Variants in LRRC39 observed in about 807,000 individuals in gnomAD.
The protein encoded by LRRC39 is leucine-rich repeat-containing protein 39.
Under a neutral mutation model 39.7 loss-of-function variants are expected in LRRC39, and 35 were observed. The ratio of observed to expected loss-of-function variants is 0.88; its 90% CI spans 0.67 to 1.17. The LOEUF (loss-of-function observed/expected upper bound fraction) is 1.17. Ranked by LOEUF, LRRC39 falls within the 50% of genes most tolerant of loss-of-function variation. The pLI, the probability that LRRC39 is intolerant of heterozygous loss-of-function variation, is 0.00. For missense variants in LRRC39, 357 were observed against 385.8 expected (o/e 0.93, Z 0.62); for synonymous variants, 113 against 134.1 (o/e 0.84, Z 1.09).
At position 100,154,678 on chromosome 1, in the gene LRRC39, T is replaced by G. The variant is rs139879237; in HGVS notation, c.812+373A>C. ...CAAGTCATGCTTTTTTTCAGTTGAT[T>G]CAAAATTTTGTCAACCAAGTTTTCA... On this transcript the variant is annotated intron_variant, in intron 8 of 9. Transcript: ENST00000370137. Among the ~76,000 whole-genome samples the G allele has an allele frequency of 2.7e-3, 410 of 152,342 alleles. 4 individuals carry two copies. Among genetic ancestry groups the G allele is most frequent in the African/African-American group, 9.7e-3 (402 of 41,586 alleles).
chr1:100,173,894 C>G (rs576668592), intron 1 of LRRC39, among the ~76,000 whole-genome samples: 17 of 152,150 alleles, frequency 1.1e-4, no homozygotes, highest in African/African-American at 4.1e-4. Flanking sequence ...ATATGTAAAA[C>G]TTCTATACAG....
At chr1:100,152,271 A>T in intron 9 of LRRC39, 114 bp downstream of exon 9, 1 of 1,114,590 alleles carries the variant, frequency 9.0e-7, no homozygotes, top group Non-Finnish European at 1.2e-6. Flanking sequence ...TTTGACAGAA[A>T]ACTTAAGATG....
At chr1:100,159,443 T>C (rs779078087) in intron 4 of LRRC39, 28 bp from the exon 5 acceptor site, 1 of 1,512,392 alleles carries the variant, frequency 6.6e-7, no homozygotes, top group East Asian at 2.4e-5. Context: ...ATGGTTGTTG[T>C]ATATTACTTA....
At position 100,148,573 on chromosome 1, in the gene LRRC39, A is replaced by G. The variant is rs371266995; in HGVS notation, c.*469T>C. ...TAAATAGTGACAAAAATAATTTTTT[A>G]TAAACTTTTGCAAAATTTTAACAAT... On this transcript the variant is annotated 3_prime_UTR_variant, in exon 10 of 10. Transcript: ENST00000370137. The G allele has an allele frequency of 4.0e-6, 6 of 1,509,256 alleles. No homozygotes were observed. The highest frequency in any genetic ancestry group is 2.4e-5 in the South Asian group (2 of 82,456). 93.5% of individuals were successfully genotyped at this position (1,509,256 alleles called of 1,614,324 possible). A position where few individuals can be genotyped will look rare whatever the true frequency, so the allele number is the denominator to read the frequency against.
intron 8 of LRRC39, among the ~76,000 whole-genome samples, chr1:100,154,064 T>C (rs374402522): frequency 6.7e-6 from 1 of 149,552 alleles, no homozygotes; most frequent in South Asian, 2.1e-4. Flanking sequence ...GGACATTTCT[T>C]TTTTTTTTTA....
At chr1:100,175,021 T>C (rs1659861648) in intron 1 of LRRC39, among the ~76,000 whole-genome samples, 1 of 152,252 alleles carries the variant, frequency 6.6e-6, no homozygotes, top group South Asian at 2.1e-4. Flanking sequence ...GCTCCTGTTC[T>C]GGCCTTGCGG....
chr1:100,156,088 T>G, intron 7 of LRRC39, 84 bp downstream of exon 7: 104 of 1,307,322 alleles, frequency 8.0e-5, no homozygotes, highest in Non-Finnish European at 9.7e-5. Flanking sequence ...TGATTATGCT[T>G]GAGATCCCAT....
At chr1:100,158,080 G>T in intron 6 of LRRC39, 151 bp downstream of exon 6, 1 of 781,030 alleles carries the variant, frequency 1.3e-6, no homozygotes, top group Non-Finnish European at 2.0e-6. Flanking sequence ...GTTAAAACCT[G>T]CATTATACTT....
At chr1:100,159,606 C>CTTTTTTTTTTTTTTTTTT (rs10593200) in intron 4 of LRRC39, among the ~76,000 whole-genome samples, 191 bp from the exon 5 acceptor site, 13 of 41,298 alleles carry the variant, frequency 3.1e-4, no homozygotes, top group South Asian at 2.5e-3. Context: ...TTTTCTTTTC[C>CTTTTTTTTTTTTTTTTTT]TTTTTTTTTT....
At chr1:100,178,032 C>T (rs1660074336) in intron 1 of LRRC39, 103 bp downstream of exon 1, 1 of 152,306 alleles carries the variant, frequency 6.6e-6, no homozygotes, top group East Asian at 1.9e-4. Flanking sequence ...TTGGACATTC[C>T]AACCAATACA....
chr1:100,156,264 A>G lies in LRRC39; in HGVS notation c.567T>C (p.Thr189=), dbSNP rs1401152125. 3.1e-6 allele frequency: 5 copies of G among 1,614,002 alleles called. No homozygotes were observed. The highest frequency in any genetic ancestry group is 4.2e-6 in the Non-Finnish European group (5 of 1,179,908). The change falls in exon 7 of 10, where the codon ACT becomes ACC. Residue 189 remains threonine (T), a synonymous_variant. Transcript: ENST00000370137. ...THLDLSMNDF[T]TIPLAVLNMP... Reference sequence around the variant, plus strand: ...TGTTCAACACAGCAAGAGGGATTGTAGTAAAATCGTTCATACTCAGATCAA... The same window carrying G: ...TGTTCAACACAGCAAGAGGGATTGTGGTAAAATCGTTCATACTCAGATCAA...
At chr1:100,160,387 TAC>T (rs1658786345) in intron 4 of LRRC39, 77 bp downstream of exon 4, 1 of 1,034,904 alleles carries the variant, frequency 9.7e-7, no homozygotes, top group Admixed American at 2.2e-5. Context: ...TAGTCTTAAT[TAC>T]ACAGTCTCAG....
intron 5 of LRRC39, 22 bp from the exon 6 acceptor site, chr1:100,158,389 A>G (rs746306672): frequency 3.8e-6 from 6 of 1,593,514 alleles, no homozygotes; most frequent in South Asian, 1.1e-5. Flanking sequence ...AATATACAAT[A>G]GAGAGGAGTT....
At chr1:100,167,763 G>A (rs1659342091) in intron 3 of LRRC39, among the ~76,000 whole-genome samples, 1 of 146,366 alleles carries the variant, frequency 6.8e-6, no homozygotes, top group African/African-American at 2.5e-5. Flanking sequence ...GCGACAGAGT[G>A]AGTCTCCATT....
chr1:100,152,264 G>T, intron 9 of LRRC39, 121 bp downstream of exon 9: 3 of 1,044,366 alleles, frequency 2.9e-6, no homozygotes, highest in Non-Finnish European at 4.0e-6. Context: ...AACAGAATTT[G>T]ACAGAAAACT....
intron 2 of LRRC39, among the ~76,000 whole-genome samples, chr1:100,169,577 A>T (rs1172486804): frequency 1.3e-5 from 2 of 152,080 alleles, no homozygotes; most frequent in African/African-American, 4.8e-5. Flanking sequence ...GGTAAACTAT[A>T]GTCTACCCAT....
At chr1:100,175,478 G>A (rs1185301941) in intron 1 of LRRC39, among the ~76,000 whole-genome samples, 1 of 151,628 alleles carries the variant, frequency 6.6e-6, no homozygotes, top group Non-Finnish European at 1.5e-5. Context: ...ATGAGCTGCT[G>A]TGCCTGGCCA....
At position 100,158,331 on chromosome 1, in the gene LRRC39, T is replaced by C. The variant is rs1658610178; in HGVS notation, c.413A>G (p.Tyr138Cys). The C allele has an allele frequency of 1.2e-6, 2 of 1,613,960 alleles. No individual in the cohort carries two copies. The highest frequency in any genetic ancestry group is 8.5e-7 in the Non-Finnish European group (1 of 1,179,862). Residue 138 changes from tyrosine (Y) to cysteine (C), a missense_variant, in exon 6 of 10, where the codon TAC (tyrosine) becomes TGC (cysteine). By Grantham distance (194) the Tyr-to-Cys change is radical. Coordinates refer to ENST00000370137, the MANE Select transcript of LRRC39 (RefSeq NM_144620.4). ...LTRLQELILS[Y>C]NKIKTVPKEL... The stretch of plus-strand genomic sequence containing the variant: ...CTTGGGGACAGTCTTGATTTTGTTG[T>C]AGCTGAGAATCAGTTCCTGAAGTCT...
intron 9 of LRRC39, among the ~76,000 whole-genome samples, chr1:100,151,048 A>G (rs1362752740): frequency 2.7e-5 from 4 of 146,266 alleles, no homozygotes; most frequent in African/African-American, 1.0e-4. Context: ...AATCACTTGA[A>G]CCTGGGAGGC....
Sources: gnomAD v4.1 joint callset for allele counts (sites outside exome capture counted in the v4.1 genomes callset) on GRCh38, gnomAD v4.1.1 for gene constraint, MANE v1.5 for transcripts, NCBI Gene and HGNC (gene_info 2026-07-23, HGNC 2026-07-21) for gene names.